The following CDH4 variants were observed in gnomAD, a reference collection of about 807,000 sequenced individuals.
CDH4 encodes the protein cadherin 4, also known as cadherin-4.
In CDH4, 33 loss-of-function variants were observed where a neutral mutation model predicts 86.0. That is an observed-to-expected ratio of 0.38 (90% CI 0.29 to 0.51). The LOEUF (loss-of-function observed/expected upper bound fraction) is 0.51. Ranked by LOEUF, CDH4 falls within the 20% of genes least tolerant of loss-of-function variation. CDH4 has a pLI of 0.86. For missense variants in CDH4, 1,114 were observed against 1,307.4 expected, an observed-to-expected ratio of 0.85 and a Z score of 2.28; for synonymous variants, 555 against 549.4, an observed-to-expected ratio of 1.01 and a Z score of -0.14.
intron 2 of CDH4, among the ~76,000 whole-genome samples, chr20:61,714,226 T>C (rs972339069): frequency 7.2e-5 from 11 of 151,892 alleles, no homozygotes; most frequent in Non-Finnish European, 1.3e-4. Context: ...TTTTGTATTT[T>C]TAGTAGAGAC....
rs970031777 is a variant in CDH4 at position 61,407,008 on chromosome 20, A to G, written c.169+152071A>G. On this transcript the variant is annotated intron_variant, in intron 2 of 15. Transcript: ENST00000614565. ...TTGGACCACCATCTGCTCTGCCCGG[A>G]CCACCATCTGCTCTGCCTGGACCAC... is the stretch of plus-strand genomic sequence containing the variant. 2.1e-5 allele frequency among the ~76,000 whole-genome samples: 3 copies of G among 139,556 alleles called. No homozygotes were observed. In the Admixed American group the frequency reaches 2.2e-4, roughly 10 times the overall value. The allele number at this position is 139,556 out of a possible 152,430, so 91.6% of individuals were successfully genotyped here. A position where few individuals can be genotyped will look rare whatever the true frequency, so the allele number is the denominator to read the frequency against.
chr20:61,768,372 ACATG>A (rs2088727620), intron 3 of CDH4, among the ~76,000 whole-genome samples: 1 of 152,230 alleles, frequency 6.6e-6, no homozygotes, highest in Admixed American at 6.5e-5. Flanking sequence ...GCATGTGCGT[ACATG>A]CATGCATACA....
In CDH4 at chr20:61,675,984, C is replaced by T. The variant is rs111659824; in HGVS notation, c.170-67579C>T. Reference sequence around the variant, plus strand: ...TCAGCCCAGCTCTCCCCTCCTCCTGCCCAGAGCACAGGCTCAGGCTCCTGG... The same window carrying T: ...TCAGCCCAGCTCTCCCCTCCTCCTGTCCAGAGCACAGGCTCAGGCTCCTGG... On this transcript the variant is annotated intron_variant, in intron 2 of 15. Transcript: ENST00000614565. 4.7e-3 allele frequency among the ~76,000 whole-genome samples: 713 copies of T among 152,298 alleles called. 1 individual carries two copies. The highest frequency in any genetic ancestry group is 0.015 in the African/African-American group (604 of 41,574).
intron 2 of CDH4, among the ~76,000 whole-genome samples, chr20:61,324,739 A>C (rs2084527724): frequency 1.3e-5 from 2 of 152,180 alleles, no homozygotes; most frequent in South Asian, 4.1e-4. Context: ...TGAATATGAA[A>C]GAGGAGCAGT....
intron 2 of CDH4, among the ~76,000 whole-genome samples, chr20:61,505,143 C>T (rs1056958933): frequency 6.6e-6 from 1 of 152,138 alleles, no homozygotes; most frequent in Non-Finnish European, 1.5e-5. Flanking sequence ...GTGACGCAAG[C>T]GAGGCTCATT....
chr20:61,397,903 AT>A (rs111559624), intron 2 of CDH4, among the ~76,000 whole-genome samples: 1 of 151,262 alleles, frequency 6.6e-6, no homozygotes, highest in South Asian at 2.1e-4. Flanking sequence ...CGCAGCTGCT[AT>A]TTTTTTTTAG....
chr20:61,551,890 C>A (rs2086133284), intron 2 of CDH4, among the ~76,000 whole-genome samples: 1 of 152,192 alleles, frequency 6.6e-6, no homozygotes, highest in African/African-American at 2.4e-5. Flanking sequence ...GAAAAGACAG[C>A]CTTTTCAACA....
chr20:61,386,496 G>A lies in CDH4; in HGVS notation c.169+131559G>A, dbSNP rs552594084. The stretch of plus-strand genomic sequence containing the variant: ...CCCTGGCATGCACTGAACCCGTACT[G>A]TAAGCTCTTTCCTTCTGGTGGAATG... On this transcript the variant is annotated intron_variant, in intron 2 of 15. Transcript: ENST00000614565. 1.5e-3 allele frequency among the ~76,000 whole-genome samples: 221 copies of A among 145,468 alleles called. 1 individual carries two copies. Among genetic ancestry groups the A allele is most frequent in the African/African-American group, 5.2e-3 (214 of 41,366 alleles).
At chr20:61,749,641 G>GA (rs36029666) in intron 3 of CDH4, among the ~76,000 whole-genome samples, 102 of 147,706 alleles carry the variant, frequency 6.9e-4, no homozygotes, top group East Asian at 1.6e-3. Flanking sequence ...CCTTGGGCAG[G>GA]AAAAAAAAAA....
chr20:61,781,644 A>G (rs1418653224), intron 4 of CDH4, among the ~76,000 whole-genome samples: 1 of 152,218 alleles, frequency 6.6e-6, no homozygotes, highest in Non-Finnish European at 1.5e-5. Flanking sequence ...CCAGTGGCCT[A>G]ACATCTGTGT....
Position 61,898,615 on chromosome 20 carries a change from C to T in CDH4, c.1188+3568C>T, listed in dbSNP as rs191208927. 1.1e-4 allele frequency among the ~76,000 whole-genome samples: 17 copies of T among 152,266 alleles called. No individual in the cohort carries two copies. In the East Asian group the frequency reaches 2.9e-3, roughly 26 times the overall value. On this transcript the variant is annotated intron_variant, in intron 8 of 15. Coordinates refer to ENST00000614565, the MANE Select transcript of CDH4 (RefSeq NM_001794.5). The stretch of plus-strand genomic sequence containing the variant: ...CCCACCCCATCCACACACATGCTCA[C>T]GGAGGGGGGGTCCCCTGGAGTCAGG...
chr20:61,928,984 T>C (rs144301415), intron 12 of CDH4, among the ~76,000 whole-genome samples: 4 of 152,246 alleles, frequency 2.6e-5, no homozygotes, highest in African/African-American at 9.6e-5. Context: ...TGGAAATTTT[T>C]TATATATATT....
At position 61,929,766 on chromosome 20, in the gene CDH4, C is replaced by A. The variant is rs757624903; in HGVS notation, c.2163C>A (p.Thr721=). 1.9e-6 allele frequency: 3 copies of A among 1,614,024 alleles called. No individual in the cohort carries two copies. In the African/African-American group the frequency reaches 4.0e-5, roughly 22 times the overall value. Residue 721 remains threonine, a synonymous_variant, in exon 13 of 16, where the codon ACC becomes ACA. Coordinates refer to ENST00000614565, the MANE Select transcript of CDH4 (RefSeq NM_001794.5). ...GTGATGACAACGGGGACTGCACCACCATTGGCGCAGTGGCAGCGGCTGGTC... is the reference window on the plus strand; with the variant it reads ...GTGATGACAACGGGGACTGCACCACAATTGGCGCAGTGGCAGCGGCTGGTC... ...CPCDDNGDCT[T]IGAVAAAGLG...
intron 2 of CDH4, among the ~76,000 whole-genome samples, chr20:61,468,111 G>A (rs1033554156): frequency 6.6e-6 from 1 of 152,148 alleles, no homozygotes; most frequent in South Asian, 2.1e-4. Flanking sequence ...TCTTTATTTG[G>A]GACTCCATCA....
In CDH4 at chr20:61,933,136, GC is replaced by G; in HGVS notation, c.2379+15del. 1 of 1,609,370 alleles carries G rather than the reference GC, an allele frequency of 6.2e-7. No homozygotes were observed. Among genetic ancestry groups the G allele is most frequent in the Non-Finnish European group, 8.5e-7 (1 of 1,177,614 alleles). On this transcript the variant is annotated intron_variant, in intron 14 of 15. Coordinates refer to ENST00000614565, the MANE Select transcript of CDH4 (RefSeq NM_001794.5). ...GCGAGGAGGACCAGGTGAGACTGCG[GC>G]CCGCCCCCGCCTCCCCACGCGAGGC... is the stretch of plus-strand genomic sequence containing the variant.
intron 2 of CDH4, among the ~76,000 whole-genome samples, chr20:61,308,572 C>T (rs1342137532): frequency 6.6e-6 from 1 of 152,218 alleles, no homozygotes; most frequent in East Asian, 1.9e-4. Flanking sequence ...TGCTTTTCTG[C>T]CTTGGCATAA....
At chr20:61,444,875 C>A (rs1338086956) in intron 2 of CDH4, among the ~76,000 whole-genome samples, 1 of 145,442 alleles carries the variant, frequency 6.9e-6, no homozygotes, top group Non-Finnish European at 1.5e-5. Context: ...ATGTGTGTTT[C>A]TCTATGTGTG....
At chr20:61,329,645 T>A (rs2123258934) in intron 2 of CDH4, among the ~76,000 whole-genome samples, 1 of 151,676 alleles carries the variant, frequency 6.6e-6, no homozygotes, top group South Asian at 2.1e-4. Context: ...GCTTAGCCAC[T>A]TGGATTCCGC....
At chr20:61,444,841 G>C (rs1467199708) in intron 2 of CDH4, among the ~76,000 whole-genome samples, 1 of 151,186 alleles carries the variant, frequency 6.6e-6, no homozygotes, top group East Asian at 2.0e-4. Flanking sequence ...ATCTGTGTCT[G>C]TGTGTATATT....
Sources: gnomAD v4.1 joint callset for allele counts (sites outside exome capture counted in the v4.1 genomes callset) on GRCh38, gnomAD v4.1.1 for gene constraint, MANE v1.5 for transcripts, NCBI Gene and HGNC (gene_info 2026-07-23, HGNC 2026-07-21) for gene names.